Variants in SORCS3 observed in about 807,000 individuals in gnomAD.
The protein encoded by SORCS3 is VPS10 domain-containing receptor SorCS3.
A neutral mutation model predicts 146.3 loss-of-function variants in SORCS3; 57 were observed. That is an observed-to-expected ratio of 0.39 (90% CI 0.31 to 0.49). The LOEUF is 0.49. Ranked by LOEUF, SORCS3 falls within the 20% of genes least tolerant of loss-of-function variation. The pLI is 0.92. For missense variants in SORCS3, 1,341 were observed against 1,575.5 expected (o/e 0.85, Z 2.52); for synonymous variants, 653 against 618.5 (o/e 1.06, Z -0.83).
At chr10:104,674,531 G>A (rs1246033609) in intron 1 of SORCS3, among the ~76,000 whole-genome samples, 4 of 152,214 alleles carry the variant, frequency 2.6e-5, no homozygotes, top group African/African-American at 4.8e-5. Flanking sequence ...CATAGTGAGT[G>A]AGGGAAGCAA....
intron 1 of SORCS3, among the ~76,000 whole-genome samples, chr10:104,678,088 A>G (rs1838829819): frequency 1.3e-5 from 2 of 152,134 alleles, no homozygotes; most frequent in South Asian, 4.2e-4. Flanking sequence ...CCTTCAAACA[A>G]TTAAACAATT....
intron 5 of SORCS3, among the ~76,000 whole-genome samples, chr10:105,044,686 G>T (rs1392247770): frequency 6.9e-6 from 1 of 145,482 alleles, no homozygotes; most frequent in Non-Finnish European, 1.5e-5. Context: ...AAAATCAACT[G>T]TTTTTTTTTT....
intron 3 of SORCS3, among the ~76,000 whole-genome samples, chr10:104,938,895 G>A (rs1192154408): frequency 6.6e-6 from 1 of 152,192 alleles, no homozygotes; most frequent in Non-Finnish European, 1.5e-5. Context: ...CTTGTCAATG[G>A]TTCTCAATCT....
chr10:104,749,532 T>C (rs1027251119), intron 1 of SORCS3, among the ~76,000 whole-genome samples: 3 of 152,206 alleles, frequency 2.0e-5, no homozygotes, highest in African/African-American at 4.8e-5. Flanking sequence ...TGCGTTCTTA[T>C]TGTATGTCAA....
intron 5 of SORCS3, among the ~76,000 whole-genome samples, chr10:105,049,373 T>C (rs1255493008): frequency 1.3e-5 from 2 of 151,994 alleles, no homozygotes; most frequent in Non-Finnish European, 2.9e-5. Context: ...GTCCATCCCC[T>C]TCCAGAACTC....
At chr10:104,888,581 G>T (rs1319603496) in intron 2 of SORCS3, among the ~76,000 whole-genome samples, 1 of 152,054 alleles carries the variant, frequency 6.6e-6, no homozygotes, top group Non-Finnish European at 1.5e-5. Context: ...TCAAATAAAG[G>T]CAAGAATAAA....
At chr10:105,230,427 G>C (rs2056759810) in intron 20 of SORCS3, among the ~76,000 whole-genome samples, 1 of 152,110 alleles carries the variant, frequency 6.6e-6, no homozygotes, top group Non-Finnish European at 1.5e-5. Flanking sequence ...ATAGTCAGGT[G>C]GGTGGGAAAT....
At chr10:105,056,058 G>C (rs1295861096) in intron 5 of SORCS3, among the ~76,000 whole-genome samples, 3 of 152,198 alleles carry the variant, frequency 2.0e-5, no homozygotes, top group African/African-American at 7.2e-5. Context: ...TCATCCTGGT[G>C]TTCCCAGAAA....
chr10:104,926,196 G>A (rs1434429992), intron 3 of SORCS3, among the ~76,000 whole-genome samples: 1 of 152,176 alleles, frequency 6.6e-6, no homozygotes, highest in Non-Finnish European at 1.5e-5. Context: ...CCTTATCCAG[G>A]AGGCATGCTG....
At chr10:104,706,384 T>G (rs1418682926) in intron 1 of SORCS3, among the ~76,000 whole-genome samples, 10 of 151,872 alleles carry the variant, frequency 6.6e-5, no homozygotes. Flanking sequence ...GATTTTTGTA[T>G]TTTTAGTAGA....
At chr10:105,194,033 A>AT (rs572881942) in intron 14 of SORCS3, among the ~76,000 whole-genome samples, 13 of 152,094 alleles carry the variant, frequency 8.5e-5, no homozygotes, top group East Asian at 3.9e-4. Flanking sequence ...ATTTTAATTG[A>AT]TTTTTTTTCC....
rs551977324 is a variant in SORCS3, at chr10:105,182,146, A to T, written c.2009+3973A>T. Among the ~76,000 whole-genome samples, 8 of 151,644 alleles carry T rather than the reference A, an allele frequency of 5.3e-5. No homozygotes were observed. The South Asian group carries it at 1.7e-3, about 32-fold the overall frequency. On this transcript the variant is annotated intron_variant, in intron 14 of 26. Coordinates refer to ENST00000369701, the MANE Select transcript of SORCS3 (RefSeq NM_014978.3). ...ATCAGACACTTCTTACCATGAGTGA[A>T]TGTCTAAAATGCTTAAGGAGAATTT...
intron 23 of SORCS3, among the ~76,000 whole-genome samples, chr10:105,253,225 A>G (rs1260476428): frequency 6.6e-6 from 1 of 152,170 alleles, no homozygotes; most frequent in Non-Finnish European, 1.5e-5. Context: ...AGAGAGACAG[A>G]CAGAGAGAGA....
intron 3 of SORCS3, among the ~76,000 whole-genome samples, chr10:104,926,608 A>T (rs2019149935): frequency 6.6e-6 from 1 of 152,236 alleles, no homozygotes; most frequent in Admixed American, 6.5e-5. Flanking sequence ...ATGAGGGGGC[A>T]GACACCGGTC....
intron 2 of SORCS3, among the ~76,000 whole-genome samples, chr10:104,914,190 G>T (rs1331501240): frequency 6.6e-6 from 1 of 152,164 alleles, no homozygotes; most frequent in African/African-American, 2.4e-5. Context: ...CAAAATTCAT[G>T]TTCTTTCCTC....
At chr10:105,140,336 T>TATTC (rs66748110) in intron 8 of SORCS3, among the ~76,000 whole-genome samples, 16,825 of 152,164 alleles carry the variant, frequency 0.11, 1,077 homozygotes, top group Admixed American at 0.17. Context: ...TGCATGCGTG[T>TATTC]ATTCATTCAC....
At chr10:105,242,443 T>TAC (rs1554889445) in intron 20 of SORCS3, among the ~76,000 whole-genome samples, 3 of 56,210 alleles carry the variant, frequency 5.3e-5, no homozygotes, top group African/African-American at 2.0e-4. Flanking sequence ...CATATATTTA[T>TAC]ATATATTTAT....
chr10:105,000,145 C>G (rs1331138605), intron 4 of SORCS3, among the ~76,000 whole-genome samples: 1 of 152,002 alleles, frequency 6.6e-6, no homozygotes, highest in Non-Finnish European at 1.5e-5. Context: ...AAGACAAGGA[C>G]AGAATCCTAG....
At chr10:105,242,934 TTA>T (rs200016626) in intron 20 of SORCS3, among the ~76,000 whole-genome samples, 1 of 110,632 alleles carries the variant, frequency 9.0e-6, no homozygotes, top group South Asian at 2.5e-4. Context: ...GATATATAAA[TTA>T]TATATAATAT....
Sources: gnomAD v4.1 joint callset for allele counts (sites outside exome capture counted in the v4.1 genomes callset) on GRCh38, gnomAD v4.1.1 for gene constraint, MANE v1.5 for transcripts, NCBI Gene and HGNC (gene_info 2026-07-23, HGNC 2026-07-21) for gene names.